The following WIPF3 variants were observed in gnomAD, a reference collection of about 807,000 sequenced individuals.
WIPF3 encodes WAS/WASL interacting protein family member 3, also known as WAS/WASL-interacting protein family member 3.
A neutral mutation model predicts 38.9 loss-of-function variants in WIPF3; 33 were observed. The ratio of observed to expected loss-of-function variants is 0.85; its 90% CI spans 0.64 to 1.14. The LOEUF is 1.14. Ranked by LOEUF, WIPF3 falls within the 50% of genes most tolerant of loss-of-function variation. WIPF3 has a pLI of 0.00. For synonymous variants in WIPF3, 324 were observed against 269.3 expected (o/e 1.20, Z -1.99); for missense variants, 711 against 652.5 (o/e 1.09, Z -0.98).
intron 2 of WIPF3, among the ~76,000 whole-genome samples, chr7:29,861,248 T>C (rs1336968101): frequency 6.6e-6 from 1 of 152,170 alleles, no homozygotes; most frequent in African/African-American, 2.4e-5. Flanking sequence ...GTGGGAGCAA[T>C]ACCCTCAGTT....
rs1268359862 is a variant in WIPF3, at chr7:29,806,666, C to T, written c.-70C>T. 1 of 151,494 alleles carries T rather than the reference C, an allele frequency of 6.6e-6. No individual in the cohort carries two copies. Among genetic ancestry groups the T allele is most frequent in the Non-Finnish European group, 1.5e-5 (1 of 67,858 alleles). 9.4% of individuals were successfully genotyped at this position (151,494 alleles called of 1,614,324 possible). A position where few individuals can be genotyped will look rare whatever the true frequency, so the allele number is the denominator to read the frequency against. Reference sequence around the variant, plus strand: ...CTCGAGTCCAGTCCAGCCCCCGGCTCCGCCACCTGCAGGTAGCGGCTTCCC... The same window carrying T: ...CTCGAGTCCAGTCCAGCCCCCGGCTTCGCCACCTGCAGGTAGCGGCTTCCC... On this transcript the variant is annotated 5_prime_UTR_variant, in exon 1 of 9. Coordinates refer to ENST00000242140, the MANE Select transcript of WIPF3 (RefSeq NM_001080529.3).
chr7:29,835,258 A>G (rs986906536), intron 2 of WIPF3, among the ~76,000 whole-genome samples: 2 of 152,106 alleles, frequency 1.3e-5, no homozygotes, highest in Non-Finnish European at 2.9e-5. Flanking sequence ...CCACAACGAG[A>G]TATAAAATCC....
intron 1 of WIPF3, among the ~76,000 whole-genome samples, chr7:29,810,411 C>G (rs1465232944): frequency 6.6e-6 from 1 of 152,144 alleles, no homozygotes; most frequent in Non-Finnish European, 1.5e-5. Context: ...GTGAGGGGTA[C>G]TCCCTAAAGG....
intron 2 of WIPF3, among the ~76,000 whole-genome samples, chr7:29,868,900 G>A (rs192076591): frequency 4.6e-5 from 7 of 152,276 alleles, no homozygotes; most frequent in Admixed American, 3.3e-4. Context: ...TAGGACCACC[G>A]TCGTATGTGT....
chr7:29,830,098 C>G (rs1283658442), intron 1 of WIPF3, among the ~76,000 whole-genome samples: 7 of 108,216 alleles, frequency 6.5e-5, no homozygotes, highest in Non-Finnish European at 1.5e-4. Context: ...ATTATTGTAT[C>G]TGGAAAAAAA....
At chr7:29,908,556 G>A (rs1786443630) in intron 8 of WIPF3, among the ~76,000 whole-genome samples, 1 of 152,164 alleles carries the variant, frequency 6.6e-6, no homozygotes, top group Non-Finnish European at 1.5e-5. Context: ...ATGCACATGA[G>A]ACATTTTCCA....
intron 2 of WIPF3, among the ~76,000 whole-genome samples, chr7:29,847,725 A>G (rs1785024204): frequency 6.6e-6 from 1 of 152,224 alleles, no homozygotes; most frequent in African/African-American, 2.4e-5. Flanking sequence ...CTACAATCAA[A>G]CAAAACAGGT....
chr7:29,906,375 A>C (rs1786397678), intron 8 of WIPF3, among the ~76,000 whole-genome samples: 1 of 152,202 alleles, frequency 6.6e-6, no homozygotes, highest in Admixed American at 6.5e-5. Flanking sequence ...GGAGCTGAAA[A>C]ATACAACAAA....
At position 29,903,305 on chromosome 7, in the gene WIPF3, A is replaced by T. The variant is rs560905383; in HGVS notation, c.1352-981A>T. On this transcript the variant is annotated intron_variant, in intron 7 of 8. Coordinates refer to ENST00000242140, the MANE Select transcript of WIPF3 (RefSeq NM_001080529.3). ...GGAGACCTTGTCTAAAAAATAAAAT[A>T]AAATGAAAAATAAAATAATAAAAAA... 2.6e-5 allele frequency among the ~76,000 whole-genome samples: 4 copies of T among 152,290 alleles called. No homozygotes were observed. The East Asian group carries it at 7.7e-4, about 29-fold the overall frequency.
chr7:29,824,600 A>G (rs2128063449), intron 1 of WIPF3, among the ~76,000 whole-genome samples: 1 of 152,274 alleles, frequency 6.6e-6, no homozygotes, highest in South Asian at 2.1e-4. Flanking sequence ...CAACAGTGTG[A>G]TGTGGGTAAA....
In WIPF3 at chr7:29,904,232, T is replaced by C. The variant is rs1040741329; in HGVS notation, c.1352-54T>C. On this transcript the variant is annotated intron_variant, in intron 7 of 8. Coordinates refer to ENST00000242140, the MANE Select transcript of WIPF3 (RefSeq NM_001080529.3). ...TTAGAGAAAGTTTCTCTGTGAAACATGCACACCCGGTCCCTGGGCCAATAG... is the reference window on the plus strand; with the variant it reads ...TTAGAGAAAGTTTCTCTGTGAAACACGCACACCCGGTCCCTGGGCCAATAG... The C allele has an allele frequency of 2.9e-5, 45 of 1,565,158 alleles. No homozygotes were observed. The African/African-American group carries it at 5.8e-4, about 20-fold the overall frequency.
chr7:29,913,244 G>C (rs1786538161), intron 8 of WIPF3, among the ~76,000 whole-genome samples: 1 of 151,864 alleles, frequency 6.6e-6, no homozygotes, highest in African/African-American at 2.4e-5. Flanking sequence ...TACACGGGAG[G>C]CTGAGGCAAG....
chr7:29,866,670 CA>C (rs1202568592), intron 2 of WIPF3, among the ~76,000 whole-genome samples: 2 of 152,272 alleles, frequency 1.3e-5, no homozygotes, highest in African/African-American at 2.4e-5. Flanking sequence ...AAAAGCCTAG[CA>C]CTTAGCTCCT....
At chr7:29,834,614 C>G in intron 1 of WIPF3, 54 bp from the exon 2 acceptor site, 1 of 1,353,536 alleles carries the variant, frequency 7.4e-7, no homozygotes, top group Non-Finnish European at 9.7e-7. Context: ...TACACATTTC[C>G]TGCATGTAAG....
chr7:29,858,723 T>G (rs1009725043), intron 2 of WIPF3, among the ~76,000 whole-genome samples: 4 of 152,238 alleles, frequency 2.6e-5, no homozygotes, highest in African/African-American at 9.6e-5. Flanking sequence ...TGGCATTCAC[T>G]TAAACAGATG....
intron 2 of WIPF3, among the ~76,000 whole-genome samples, chr7:29,864,882 G>A (rs1245864353): frequency 6.6e-6 from 1 of 152,168 alleles, no homozygotes; most frequent in African/African-American, 2.4e-5. Context: ...CTGCTACACA[G>A]CTGTCTTCCA....
intron 4 of WIPF3, among the ~76,000 whole-genome samples, chr7:29,883,406 A>G (rs1269045526): frequency 1.3e-5 from 2 of 152,222 alleles, no homozygotes; most frequent in African/African-American, 4.8e-5. Flanking sequence ...GCTGGGAGTG[A>G]AGAAAACCTC....
chr7:29,858,624 T>A (rs1175090149), intron 2 of WIPF3, among the ~76,000 whole-genome samples: 1 of 152,246 alleles, frequency 6.6e-6, no homozygotes, highest in Non-Finnish European at 1.5e-5. Flanking sequence ...TTTTCGATGA[T>A]GATTAAGAAC....
chr7:29,842,444 T>C (rs551925824), intron 2 of WIPF3, among the ~76,000 whole-genome samples: 26 of 152,336 alleles, frequency 1.7e-4, no homozygotes, highest in Non-Finnish European at 2.5e-4. Context: ...GAGATTACAG[T>C]GAGAGGCTTA....
Sources: allele counts gnomAD v4.1 joint callset (sites outside exome capture counted in the v4.1 genomes callset), GRCh38; gene constraint gnomAD v4.1.1; transcripts MANE v1.5; gene names NCBI Gene and HGNC (gene_info 2026-07-23, HGNC 2026-07-21).